The following AP1S2 variants were observed in gnomAD, a reference collection of about 807,000 sequenced individuals.
AP1S2 encodes the protein AP-1 complex subunit sigma-2.
In AP1S2, 1 loss-of-function variant was observed where a neutral mutation model predicts 14.3. The observed-to-expected ratio is 0.07, with a 90% CI of 0.02 to 0.33. AP1S2 has a LOEUF of 0.33. Among genes scored for constraint, AP1S2 ranks in the 10% least tolerant of loss-of-function variants. The pLI is 0.99. For missense variants in AP1S2, 30 were observed against 117.7 expected (o/e 0.25, Z 3.45); for synonymous variants, 30 against 40.5 (o/e 0.74, Z 0.99).
chrX:15,834,248 C>T (rs913871628), intron 4 of AP1S2, among the ~76,000 whole-genome samples: 1 of 104,063 alleles, frequency 9.6e-6, no homozygotes, highest in South Asian at 4.5e-4. Flanking sequence ...CCAGTCCCAA[C>T]GATTCTCCTT....
intron 4 of AP1S2, chrX:15,833,316 C>A: frequency 1.2e-6 from 1 of 862,651 alleles, no homozygotes; most frequent in Non-Finnish European, 1.4e-6. Flanking sequence ...ATGTGACCAC[C>A]CAGGCATTTC....
chrX:15,829,425 T>C (rs1341718688), intron 4 of AP1S2, among the ~76,000 whole-genome samples: 14 of 111,843 alleles, frequency 1.3e-4, no homozygotes, highest in Non-Finnish European at 2.3e-4. Flanking sequence ...ACAGTTTACA[T>C]TCTCAGCTTC....
At chrX:15,836,999 G>A (rs1933663401) in intron 4 of AP1S2, among the ~76,000 whole-genome samples, 1 of 111,986 alleles carries the variant, frequency 8.9e-6, no homozygotes, top group South Asian at 3.7e-4. Flanking sequence ...CTGAGCTCAA[G>A]GGATCCTTCC....
chrX:15,838,334 G>T (rs1201441395), intron 4 of AP1S2, among the ~76,000 whole-genome samples: 1 of 111,434 alleles, frequency 9.0e-6, no homozygotes, highest in Non-Finnish European at 1.9e-5. Flanking sequence ...GCTCTAGTTG[G>T]TGGGTAAGAT....
chrX:15,830,351 G>T, intron 4 of AP1S2: 1 of 753,166 alleles, frequency 1.3e-6, no homozygotes, highest in Non-Finnish European at 1.6e-6. Flanking sequence ...CTGATTGATA[G>T]CACATCCAGG....
At chrX:15,843,230 A>T (rs1457523632) in intron 4 of AP1S2, among the ~76,000 whole-genome samples, 2 of 111,771 alleles carry the variant, frequency 1.8e-5, no homozygotes, top group Non-Finnish European at 3.8e-5. Context: ...GTCATATTCT[A>T]AGGCCCATAG....
At chrX:15,845,031 A>G (rs1403451130) in intron 4 of AP1S2, 6 of 747,309 alleles carry the variant, frequency 8.0e-6, no homozygotes, top group Non-Finnish European at 6.3e-6. Context: ...ATCTTAAACA[A>G]TTTGAAGCAA....
intron 4 of AP1S2, chrX:15,833,005 T>G (rs1933481592): frequency 4.5e-6 from 5 of 1,114,680 alleles, no homozygotes; most frequent in Non-Finnish European, 4.7e-6. Flanking sequence ...TAGTCTCTGT[T>G]TTCTGGAGAG....
In AP1S2 at chrX:15,854,756, T is replaced by C. The variant is rs1272053248; in HGVS notation, c.-69A>G. ...GCGGCGGCGGCGAAGGGGAAGCCCC[T>C]GTCGCCGTGCTGAGGAAGAGAAGCC... On this transcript the variant is annotated 5_prime_UTR_variant, in exon 1 of 6. Coordinates refer to ENST00000672987, the MANE Select transcript of AP1S2 (RefSeq NM_001272071.2). 1 of 815,490 alleles carries C rather than the reference T, an allele frequency of 1.2e-6. No individual in the cohort carries two copies. Among genetic ancestry groups the C allele is most frequent in the East Asian group, 1.4e-4 (1 of 7,260 alleles). The allele number at this position is 815,490 out of a possible 1,213,427, so 67.2% of individuals were successfully genotyped here. A position where few individuals can be genotyped will look rare whatever the true frequency, so the allele number is the denominator to read the frequency against.
intron 5 of AP1S2, among the ~76,000 whole-genome samples, chrX:15,827,576 TTAAG>T (rs1416071658): frequency 8.9e-6 from 1 of 112,032 alleles, no homozygotes; most frequent in African/African-American, 3.2e-5. Flanking sequence ...TCAGCATTCA[TTAAG>T]TACCTGCTAA....
intron 4 of AP1S2, among the ~76,000 whole-genome samples, chrX:15,836,686 GC>G (rs960330786): frequency 1.2e-4 from 13 of 111,598 alleles, no homozygotes; most frequent in Non-Finnish European, 2.3e-4. Flanking sequence ...TTCAAGACCA[GC>G]CCTGACAACA....
intron 4 of AP1S2, among the ~76,000 whole-genome samples, chrX:15,840,002 G>C (rs1191006594): frequency 9.0e-6 from 1 of 111,465 alleles, no homozygotes; most frequent in East Asian, 2.8e-4. Context: ...ATATAGCATA[G>C]TACTAAGATA....
Position 15,827,356 on chromosome X carries a change from C to T in AP1S2, c.452G>A (p.Arg151His), listed in dbSNP as rs1933296483. The change falls in exon 6 of 6, where the codon CGT becomes CAT. Residue 151 changes from arginine (R) to histidine (H), a missense_variant. Around this residue, in one of 3 missense-constraint regions of AP1S2, gnomAD observed 14 missense variants for 24.0 expected, o/e 0.58. Coordinates refer to ENST00000672987, the MANE Select transcript of AP1S2 (RefSeq NM_001272071.2). ...QEDAKEAETP[R>H]SVLEEIGLT ...CAGTCCAATTTCTTCAAGAACACTA[C>T]GTGGGGTTTCAGCTTCCTGTGGAGG... The T allele has an allele frequency of 8.3e-7, 1 of 1,208,822 alleles. No homozygotes were observed. The highest frequency in any genetic ancestry group is 1.1e-6 in the Non-Finnish European group (1 of 892,869).
At chrX:15,850,130 C>G (rs1341377562) in intron 2 of AP1S2, among the ~76,000 whole-genome samples, 1 of 111,552 alleles carries the variant, frequency 9.0e-6, no homozygotes, top group Non-Finnish European at 1.9e-5. Flanking sequence ...TTGCCTGCCA[C>G]TTGAATGCTG....
At chrX:15,854,606 C>T (rs112098643) in intron 1 of AP1S2, 82 bp downstream of exon 1, 4 of 424,430 alleles carry the variant, frequency 9.4e-6, no homozygotes, top group Non-Finnish European at 1.2e-5. Flanking sequence ...TCGGGGCGCG[C>T]GCGGGGTGGC....
rs187068051 is a variant in AP1S2 at position 15,843,448 on chromosome X, G to A, written c.426+1931C>T. Among the ~76,000 whole-genome samples, 358 of 111,454 alleles carry A rather than the reference G, an allele frequency of 3.2e-3. 2 individuals are homozygous for A. Among genetic ancestry groups the A allele is most frequent in the Admixed American group, 4.2e-3 (44 of 10,546 alleles). ...TGCAAGCCTGTAATCCCAGCTACTCGGGAGGCTGAGGCAGGAGAATCGCTT... is the reference window on the plus strand; with the variant it reads ...TGCAAGCCTGTAATCCCAGCTACTCAGGAGGCTGAGGCAGGAGAATCGCTT... On this transcript the variant is annotated intron_variant, in intron 4 of 5. Transcript: ENST00000672987.
intron 4 of AP1S2, chrX:15,830,305 C>G (rs1933392573): frequency 9.3e-6 from 7 of 753,082 alleles, no homozygotes; most frequent in Non-Finnish European, 1.1e-5. Flanking sequence ...ACCAATGTTT[C>G]TCAATGCTTC....
In AP1S2 at chrX:15,827,188, G is replaced by A. The variant is rs1231233207; in HGVS notation, c.*137C>T. 1.8e-5 allele frequency: 11 copies of A among 618,630 alleles called. No homozygotes were observed. Among genetic ancestry groups the A allele is most frequent in the Non-Finnish European group, 2.7e-5 (10 of 364,731 alleles). The allele number at this position is 618,630 out of a possible 1,213,427, so 51.0% of individuals were successfully genotyped here. A position where few individuals can be genotyped will look rare whatever the true frequency, so the allele number is the denominator to read the frequency against. ...TTCCCTTTTAAAAAAAAATTGTGTA[G>A]GCATGAATGAAGCGGCTTAGCAAAA... is the stretch of plus-strand genomic sequence containing the variant. On this transcript the variant is annotated 3_prime_UTR_variant, in exon 6 of 6. Coordinates refer to ENST00000672987, the MANE Select transcript of AP1S2 (RefSeq NM_001272071.2).
rs968918437 is a variant in AP1S2, at chrX:15,840,682, G to A, written c.426+4697C>T. On this transcript the variant is annotated intron_variant, in intron 4 of 5. Transcript: ENST00000672987. ...TTATTTCCTTTGTCATTATATATGT[G>A]TGTGTTTAAATAAATCCAACTACAT... 23 of 485,264 alleles carry A rather than the reference G, an allele frequency of 4.7e-5. No individual in the cohort carries two copies. The African/African-American group carries it at 5.3e-4, about 11-fold the overall frequency. The allele number at this position is 485,264 out of a possible 1,213,427, so 40.0% of individuals were successfully genotyped here.
Sources: allele counts gnomAD v4.1 joint callset (sites outside exome capture counted in the v4.1 genomes callset), GRCh38; gene constraint gnomAD v4.1.1; regional missense constraint gnomAD v4.1.1; transcripts MANE v1.5; gene names NCBI Gene and HGNC (gene_info 2026-07-23, HGNC 2026-07-21).